PTPRT: variants seen among roughly 807,000 people sequenced by gnomAD.
PTPRT encodes the protein protein tyrosine phosphatase receptor type T.
In PTPRT, 56 loss-of-function variants were observed where a neutral mutation model predicts 176.8. That is an observed-to-expected ratio of 0.32 (90% CI 0.26 to 0.40). The LOEUF (loss-of-function observed/expected upper bound fraction) is 0.40. Among genes scored for constraint, PTPRT ranks in the 10% least tolerant of loss-of-function variants. The pLI is 1.00. For missense variants in PTPRT, 1,540 were observed against 1,908.2 expected, an observed-to-expected ratio of 0.81 and a Z score of 3.60; for synonymous variants, 783 against 739.0, an observed-to-expected ratio of 1.06 and a Z score of -0.96.
intron 9 of PTPRT, among the ~76,000 whole-genome samples, chr20:42,353,761 T>G (rs891863858): frequency 6.6e-6 from 1 of 152,330 alleles, no homozygotes; most frequent in African/African-American, 2.4e-5. Flanking sequence ...TAAAAATATT[T>G]AATTAGGCTA....
At chr20:42,835,772 A>C (rs1479753813) in intron 2 of PTPRT, among the ~76,000 whole-genome samples, 1 of 152,058 alleles carries the variant, frequency 6.6e-6, no homozygotes, top group Non-Finnish European at 1.5e-5. Context: ...TCAATTTTCT[A>C]TCTTAATAAT....
intron 2 of PTPRT, among the ~76,000 whole-genome samples, chr20:42,877,750 T>C (rs1158800705): frequency 6.6e-6 from 1 of 152,098 alleles, no homozygotes; most frequent in Non-Finnish European, 1.5e-5. Flanking sequence ...GTTCATCCAA[T>C]AAACATGAGG....
Position 42,813,478 on chromosome 20 carries a change from A to AT in PTPRT, c.215-22013dup, listed in dbSNP as rs529239541. Among the ~76,000 whole-genome samples the AT allele has an allele frequency of 3.1e-3, 327 of 104,214 alleles. 2 individuals are homozygous for AT. Among genetic ancestry groups the AT allele is most frequent in the African/African-American group, 0.011 (306 of 27,274 alleles). The allele number at this position is 104,214 out of a possible 152,430, so 68.4% of individuals were successfully genotyped here. ...TTGTTTCTTTTCTCTTCCTCCCTTT[A>AT]TTTTTTTCAAAATTAGTATTTGTGG... is the stretch of plus-strand genomic sequence containing the variant. On this transcript the variant is annotated intron_variant, in intron 2 of 30. Coordinates refer to ENST00000373187, the MANE Select transcript of PTPRT (RefSeq NM_007050.6).
At chr20:42,665,316 T>G (rs956185821) in intron 7 of PTPRT, among the ~76,000 whole-genome samples, 1 of 152,220 alleles carries the variant, frequency 6.6e-6, no homozygotes, top group Non-Finnish European at 1.5e-5. Flanking sequence ...AAAGAAGACA[T>G]TTATGCAGCC....
At chr20:42,426,008 G>T (rs368456316) in intron 9 of PTPRT, among the ~76,000 whole-genome samples, 6 of 152,196 alleles carry the variant, frequency 3.9e-5, no homozygotes, top group African/African-American at 1.4e-4. Flanking sequence ...AGGAGTCCAG[G>T]GGTACCCAAA....
intron 2 of PTPRT, among the ~76,000 whole-genome samples, chr20:42,809,858 T>C (rs1380849213): frequency 6.6e-6 from 1 of 152,194 alleles, no homozygotes; most frequent in East Asian, 1.9e-4. Context: ...ATCTTTTTTC[T>C]ACATAAGGTC....
chr20:42,200,968 A>G (rs1355383861), intron 15 of PTPRT, among the ~76,000 whole-genome samples: 1 of 152,254 alleles, frequency 6.6e-6, no homozygotes, highest in Non-Finnish European at 1.5e-5. Context: ...TGAAACAGAT[A>G]GTTTCAAGAG....
In PTPRT at chr20:42,110,597, C is replaced by T. The variant is rs535575079; in HGVS notation, c.3100-110G>A. The T allele has an allele frequency of 5.2e-5, 62 of 1,200,654 alleles. No homozygotes were observed. The South Asian group carries it at 6.6e-4, about 13-fold the overall frequency. 74.4% of individuals were successfully genotyped at this position (1,200,654 alleles called of 1,614,324 possible). On this transcript the variant is annotated intron_variant, in intron 22 of 30. Transcript: ENST00000373187. ...TGAGGAACCTCCCGCAGGGACAGGG[C>T]CCTCACAGTGTTTGTTAATAGGTGT... is the stretch of plus-strand genomic sequence containing the variant.
chr20:42,068,838 G>C (rs892299640), downstream of PTPRT, among the ~76,000 whole-genome samples: 3 of 152,224 alleles, frequency 2.0e-5, no homozygotes, highest in Non-Finnish European at 2.9e-5. Context: ...GGATGGGATG[G>C]AGTCAGTCCT....
intron 2 of PTPRT, among the ~76,000 whole-genome samples, chr20:42,805,709 G>A (rs961696013): frequency 9.9e-5 from 15 of 152,160 alleles, no homozygotes; most frequent in Admixed American, 9.8e-4. Flanking sequence ...TCGAGGCTCT[G>A]AAGTACCTTT....
chr20:42,746,220 T>G (rs1045977239), intron 6 of PTPRT, among the ~76,000 whole-genome samples: 4 of 152,240 alleles, frequency 2.6e-5, no homozygotes, highest in African/African-American at 9.6e-5. Context: ...TGTGCCCATA[T>G]AGATTACAAT....
At chr20:42,445,566 T>C (rs2059354903) in intron 9 of PTPRT, among the ~76,000 whole-genome samples, 1 of 152,232 alleles carries the variant, frequency 6.6e-6, no homozygotes, top group Non-Finnish European at 1.5e-5. Context: ...GGCCTAAATC[T>C]ACAACCTCCT....
At chr20:42,418,572 A>G (rs2059087349) in intron 9 of PTPRT, among the ~76,000 whole-genome samples, 1 of 152,246 alleles carries the variant, frequency 6.6e-6, no homozygotes, top group East Asian at 1.9e-4. Flanking sequence ...TATGGCTGAT[A>G]TGTGAAAGAC....
intron 9 of PTPRT, among the ~76,000 whole-genome samples, chr20:42,373,723 G>A (rs1331858065): frequency 6.6e-6 from 1 of 152,218 alleles, no homozygotes; most frequent in Non-Finnish European, 1.5e-5. Context: ...CATGTGCAGG[G>A]AGGAGAGGAA....
intron 6 of PTPRT, among the ~76,000 whole-genome samples, chr20:42,683,714 A>G (rs983223086): frequency 3.9e-5 from 6 of 152,220 alleles, no homozygotes; most frequent in African/African-American, 9.7e-5. Flanking sequence ...TATGCGCAAC[A>G]CTGTTTTCAT....
At chr20:42,969,083 TAGA>T (rs1485737198) in intron 1 of PTPRT, 2 of 152,200 alleles carry the variant, frequency 1.3e-5, no homozygotes, top group Non-Finnish European at 2.9e-5. Flanking sequence ...TTCCGCTAGA[TAGA>T]AGAAGATGTC....
intron 7 of PTPRT, among the ~76,000 whole-genome samples, chr20:42,573,204 C>T (rs1166136545): frequency 5.9e-5 from 9 of 152,156 alleles, no homozygotes. Flanking sequence ...CAAGGTGCAT[C>T]TAGCCAAGGA....
intron 7 of PTPRT, among the ~76,000 whole-genome samples, chr20:42,507,732 G>A (rs1277106307): frequency 2.0e-5 from 3 of 152,040 alleles, no homozygotes; most frequent in Non-Finnish European, 4.4e-5. Context: ...AATGCCAGCG[G>A]GCCGGTTTCT....
chr20:42,729,120 T>C (rs781566711), intron 6 of PTPRT, among the ~76,000 whole-genome samples: 4 of 151,968 alleles, frequency 2.6e-5, no homozygotes, highest in Non-Finnish European at 5.9e-5. Context: ...AAACACTTCA[T>C]CTCCAGAAGC....
Sources: gnomAD v4.1 joint callset for allele counts (sites outside exome capture counted in the v4.1 genomes callset) on GRCh38, gnomAD v4.1.1 for gene constraint, MANE v1.5 for transcripts, NCBI Gene and HGNC (gene_info 2026-07-23, HGNC 2026-07-21) for gene names.